SDK1: variants seen among roughly 807,000 people sequenced by gnomAD.
SDK1 encodes the protein protein sidekick-1.
A neutral mutation model predicts 245.5 loss-of-function variants in SDK1; 157 were observed. That is an observed-to-expected ratio of 0.64 (90% CI 0.56 to 0.73). SDK1 has a LOEUF of 0.73. Among genes scored for constraint, SDK1 ranks in the 30% least tolerant of loss-of-function variants. The pLI is 0.00. For missense variants in SDK1, 3,583 were observed against 3,002.3 expected (o/e 1.19, Z -4.52); for synonymous variants, 1,647 against 1,278.5 (o/e 1.29, Z -6.15).
intron 1 of SDK1, among the ~76,000 whole-genome samples, chr7:3,499,820 G>T (rs977593340): frequency 6.6e-6 from 1 of 152,316 alleles, no homozygotes; most frequent in African/African-American, 2.4e-5. Flanking sequence ...ACAGGGCTTA[G>T]CATAGTCCGA....
At chr7:3,438,456 G>A (rs1256998095) in intron 1 of SDK1, among the ~76,000 whole-genome samples, 1 of 152,066 alleles carries the variant, frequency 6.6e-6, no homozygotes, top group African/African-American at 2.4e-5. Context: ...GTTTTCTGTG[G>A]CCGCTATTTC....
At chr7:3,499,997 A>T (rs1782147823) in intron 1 of SDK1, among the ~76,000 whole-genome samples, 1 of 151,994 alleles carries the variant, frequency 6.6e-6, no homozygotes, top group South Asian at 2.1e-4. Flanking sequence ...TAGAGTGGGA[A>T]CTCCATTAAC....
chr7:3,715,605 C>T (rs1785177299), intron 4 of SDK1, among the ~76,000 whole-genome samples: 1 of 152,200 alleles, frequency 6.6e-6, no homozygotes, highest in Non-Finnish European at 1.5e-5. Context: ...CTGAAAAACA[C>T]ATTATCATTG....
rs28547916 is a variant in SDK1, at chr7:3,596,462, A to G, written c.299-22618A>G. 2.0e-3 allele frequency among the ~76,000 whole-genome samples: 310 copies of G among 152,294 alleles called. 2 individuals are homozygous for G. Among genetic ancestry groups the G allele is most frequent in the African/African-American group, 6.7e-3 (279 of 41,554 alleles). On this transcript the variant is annotated intron_variant, in intron 1 of 44. Coordinates refer to ENST00000404826, the MANE Select transcript of SDK1 (RefSeq NM_152744.4). ...TGCTCTAAGGATTTTTAATTGAGGT[A>G]AAATGTACAGAAAGCATGAAAAGAA...
intron 35 of SDK1, among the ~76,000 whole-genome samples, chr7:4,194,555 G>T (rs756208205): frequency 6.6e-6 from 1 of 151,952 alleles, no homozygotes; most frequent in African/African-American, 2.4e-5. Context: ...CTGCAAGCTC[G>T]AGGAGCAAGC....
In SDK1 at chr7:3,302,669, T is replaced by A. The variant is rs140757288; in HGVS notation, c.298+785T>A. Among the ~76,000 whole-genome samples the A allele has an allele frequency of 3.2e-3, 486 of 151,984 alleles. 2 individuals are homozygous for A. In the Middle Eastern group the frequency reaches 0.041, roughly 13 times the overall value. On this transcript the variant is annotated intron_variant, in intron 1 of 44. Coordinates refer to ENST00000404826, the MANE Select transcript of SDK1 (RefSeq NM_152744.4). ...GTACCCCTGCCAGCTAGCATCGTTT[T>A]CTTTTGAAGTTTGCTGGTCTTTAAA...
intron 13 of SDK1, among the ~76,000 whole-genome samples, chr7:3,977,330 G>A (rs1250354657): frequency 1.1e-4 from 11 of 100,012 alleles, no homozygotes; most frequent in Admixed American, 1.8e-4. Flanking sequence ...CACGCAGAGG[G>A]TCCTCCAGAG....
intron 5 of SDK1, among the ~76,000 whole-genome samples, chr7:3,944,312 A>T (rs1043280560): frequency 6.6e-6 from 1 of 152,242 alleles, no homozygotes; most frequent in Non-Finnish European, 1.5e-5. Context: ...AACATGTGTA[A>T]ATCATTTACC....
intron 1 of SDK1, among the ~76,000 whole-genome samples, chr7:3,346,623 C>T (rs1163223827): frequency 6.7e-6 from 1 of 148,992 alleles, no homozygotes; most frequent in Non-Finnish European, 1.5e-5. Flanking sequence ...GGCAGTCCTC[C>T]TACCTTAGCC....
intron 5 of SDK1, among the ~76,000 whole-genome samples, chr7:3,827,558 T>C (rs1234841962): frequency 1.3e-5 from 2 of 152,262 alleles, no homozygotes; most frequent in African/African-American, 2.4e-5. Flanking sequence ...AATCTTTTGC[T>C]GTCTACAAAA....
chr7:3,751,784 T>C (rs539595444), intron 4 of SDK1, among the ~76,000 whole-genome samples: 3 of 152,324 alleles, frequency 2.0e-5, no homozygotes, highest in African/African-American at 7.2e-5. Flanking sequence ...ATTGACACCC[T>C]TGGGCTCCAG....
intron 7 of SDK1, among the ~76,000 whole-genome samples, chr7:3,953,287 G>C (rs941356109): frequency 2.0e-5 from 3 of 152,022 alleles, no homozygotes; most frequent in African/African-American, 7.3e-5. Flanking sequence ...ATGACTCCAT[G>C]TCCTGACCTT....
At chr7:3,410,964 A>G (rs1779184628) in intron 1 of SDK1, among the ~76,000 whole-genome samples, 2 of 152,174 alleles carry the variant, frequency 1.3e-5, no homozygotes, top group African/African-American at 4.8e-5. Context: ...TTCATGGTGT[A>G]GAGGAAAGAC....
chr7:3,560,333 T>A (rs1435793622), intron 1 of SDK1, among the ~76,000 whole-genome samples: 2 of 152,234 alleles, frequency 1.3e-5, no homozygotes, highest in Non-Finnish European at 2.9e-5. Context: ...TTTATCTTTA[T>A]TTCATCTCTG....
chr7:3,616,347 C>G (rs1215731567), intron 1 of SDK1, among the ~76,000 whole-genome samples: 2 of 152,200 alleles, frequency 1.3e-5, no homozygotes, highest in African/African-American at 2.4e-5. Context: ...GAGGTGGGAA[C>G]CAGAACACGT....
chr7:3,680,600 C>A (rs560008799), intron 4 of SDK1, among the ~76,000 whole-genome samples: 35 of 152,228 alleles, frequency 2.3e-4, no homozygotes, highest in African/African-American at 8.4e-4. Flanking sequence ...TAAGACCTTT[C>A]TGTACAATTT....
chr7:4,249,394 C>T (rs973719435), intron 44 of SDK1, among the ~76,000 whole-genome samples: 2 of 152,222 alleles, frequency 1.3e-5, no homozygotes, highest in African/African-American at 2.4e-5. Context: ...GGCCACACTG[C>T]TCCCACATGG....
chr7:3,654,428 G>T (rs1226017611), intron 4 of SDK1, among the ~76,000 whole-genome samples: 3 of 152,164 alleles, frequency 2.0e-5, no homozygotes, highest in Admixed American at 6.5e-5. Flanking sequence ...GCGAGAGGTG[G>T]ACTCCGATGC....
intron 28 of SDK1, among the ~76,000 whole-genome samples, chr7:4,136,269 A>T (rs1467331525): frequency 6.6e-6 from 1 of 152,194 alleles, no homozygotes; most frequent in Non-Finnish European, 1.5e-5. Flanking sequence ...TACAGCCGGC[A>T]CACCACACGG....
Sources: allele counts gnomAD v4.1 joint callset (sites outside exome capture counted in the v4.1 genomes callset), GRCh38; gene constraint gnomAD v4.1.1; transcripts MANE v1.5; gene names NCBI Gene and HGNC (gene_info 2026-07-23, HGNC 2026-07-21).